The following MAN2A1 variants were observed in gnomAD, a reference collection of about 807,000 sequenced individuals.
MAN2A1 encodes the protein mannosidase alpha class 2A member 1.
Under a neutral mutation model 142.6 loss-of-function variants are expected in MAN2A1, and 76 were observed. The observed-to-expected ratio is 0.53, with a 90% CI of 0.44 to 0.65. The LOEUF is 0.65. MAN2A1 is among the 30% of genes least tolerant of loss of function. The probability of loss-of-function intolerance (pLI) is 0.00; values close to 1 mark genes in which losing one functional copy is unlikely to be tolerated. For synonymous variants in MAN2A1, 559 were observed against 473.2 expected (o/e 1.18, Z -2.35); for missense variants, 1,311 against 1,365.1 (o/e 0.96, Z 0.62).
intron 1 of MAN2A1, among the ~76,000 whole-genome samples, chr5:109,704,830 C>T (rs1751085665): frequency 6.6e-6 from 1 of 152,158 alleles, no homozygotes; most frequent in Admixed American, 6.5e-5. Context: ...GTGAGAATCG[C>T]CTGGTGAGCC....
Position 109,833,963 on chromosome 5 carries a change from C to G in MAN2A1, c.2567-8365C>G, listed in dbSNP as rs926343122. On this transcript the variant is annotated intron_variant, in intron 16 of 21. Coordinates refer to ENST00000261483, the MANE Select transcript of MAN2A1 (RefSeq NM_002372.4). ...TCCAGTCAGACACCAATATGTTGAACTGTTTTTGTTCAGTACCCACTAAAG... is the reference window on the plus strand; with the variant it reads ...TCCAGTCAGACACCAATATGTTGAAGTGTTTTTGTTCAGTACCCACTAAAG... Among the ~76,000 whole-genome samples the G allele has an allele frequency of 4.6e-5, 7 of 152,236 alleles. No homozygotes were observed. In the South Asian group the frequency reaches 1.4e-3, roughly 32 times the overall value.
intron 14 of MAN2A1, 27 bp downstream of exon 14, chr5:109,819,914 A>G (rs773973703): frequency 2.9e-5 from 41 of 1,432,390 alleles, no homozygotes; most frequent in South Asian, 9.4e-5. Flanking sequence ...TCTAAAATTC[A>G]TAGAATGCTT....
chr5:109,714,631 T>C (rs561492049), intron 2 of MAN2A1, among the ~76,000 whole-genome samples: 85 of 152,346 alleles, frequency 5.6e-4, no homozygotes, highest in African/African-American at 2.0e-3. Context: ...CCTTGTGCCT[T>C]AGACCAGAAA....
chr5:109,848,157 T>C (rs569484525), intron 19 of MAN2A1, among the ~76,000 whole-genome samples: 2 of 152,322 alleles, frequency 1.3e-5, no homozygotes, highest in East Asian at 3.9e-4. Flanking sequence ...TAAACTTTAT[T>C]TGAAATCTTA....
rs185905270 is a variant in MAN2A1 at position 109,853,227 on chromosome 5, C to T, written c.2977-1913C>T. ...CTGTTTTCTCTATAAGATTGGATGTCTGGGGTGGCACTTCCCGGCACAGGG... is the reference window on the plus strand; with the variant it reads ...CTGTTTTCTCTATAAGATTGGATGTTTGGGGTGGCACTTCCCGGCACAGGG... On this transcript the variant is annotated intron_variant, in intron 19 of 21. Coordinates refer to ENST00000261483, the MANE Select transcript of MAN2A1 (RefSeq NM_002372.4). 6.0e-4 allele frequency among the ~76,000 whole-genome samples: 92 copies of T among 152,220 alleles called. 2 individuals are homozygous for T. The East Asian group carries it at 0.016, about 26-fold the overall frequency.
chr5:109,741,108 C>T (rs1008684524), intron 4 of MAN2A1, among the ~76,000 whole-genome samples: 1 of 152,194 alleles, frequency 6.6e-6, no homozygotes, highest in Middle Eastern at 3.4e-3. Flanking sequence ...ACTCAGATTC[C>T]TTCTGAGTGA....
At chr5:109,781,266 A>G (rs1301813776) in intron 8 of MAN2A1, 130 bp from the exon 9 acceptor site, 1 of 544,612 alleles carries the variant, frequency 1.8e-6, no homozygotes, top group Non-Finnish European at 3.1e-6. Context: ...TTTTTATAAA[A>G]TCTGAGCTAT....
intron 5 of MAN2A1, among the ~76,000 whole-genome samples, chr5:109,759,690 G>C (rs914768926): frequency 1.4e-4 from 22 of 152,164 alleles, no homozygotes; most frequent in Admixed American, 3.9e-4. Flanking sequence ...GTTTTCCAAA[G>C]TGGTGGTGCT....
At chr5:109,780,047 T>C (rs1235423909) in intron 8 of MAN2A1, among the ~76,000 whole-genome samples, 1 of 152,016 alleles carries the variant, frequency 6.6e-6, no homozygotes, top group African/African-American at 2.4e-5. Context: ...TGGCCAGTCA[T>C]GGTTGTAAGT....
chr5:109,731,932 G>T (rs541188312), intron 4 of MAN2A1, among the ~76,000 whole-genome samples: 1 of 150,730 alleles, frequency 6.6e-6, no homozygotes, highest in Non-Finnish European at 1.5e-5. Flanking sequence ...CTGAGGAATC[G>T]CCACACTGAC....
In MAN2A1 at chr5:109,789,049, G is replaced by T; in HGVS notation, c.1875+1G>T. 6.9e-7 allele frequency: 1 copy of T among 1,451,596 alleles called. No individual in the cohort carries two copies. The highest frequency in any genetic ancestry group is 9.6e-7 in the Non-Finnish European group (1 of 1,042,806). The allele number at this position is 1,451,596 out of a possible 1,614,324, so 89.9% of individuals were successfully genotyped here. A position where few individuals can be genotyped will look rare whatever the true frequency, so the allele number is the denominator to read the frequency against. On this transcript the variant is annotated splice_donor_variant, in intron 11 of 21. Transcript: ENST00000261483. LOFTEE classifies it high-confidence loss of function. Reference sequence around the variant, plus strand: ...CTCTCCTGATACCTTCCTGGAGATGGTTAGTAATTTCATCTATGGTCATCA... The same window carrying T: ...CTCTCCTGATACCTTCCTGGAGATGTTTAGTAATTTCATCTATGGTCATCA...
intron 12 of MAN2A1, 95 bp downstream of exon 12, chr5:109,789,622 C>T (rs1753686958): frequency 1.3e-6 from 1 of 782,164 alleles, no homozygotes; most frequent in Non-Finnish European, 2.0e-6. Context: ...TATTTTGAGG[C>T]AATCAATTTA....
chr5:109,743,940 C>T (rs1035695053), intron 4 of MAN2A1, among the ~76,000 whole-genome samples: 4 of 152,194 alleles, frequency 2.6e-5, no homozygotes, highest in African/African-American at 4.8e-5. Flanking sequence ...TCCTGCTTCA[C>T]ACTCTACTCA....
Position 109,868,923 on chromosome 5 carries a change from T to C in MAN2A1, c.*1925T>C, listed in dbSNP as rs1755948960. 1 of 152,122 alleles carries C rather than the reference T, an allele frequency of 6.6e-6. No individual in the cohort carries two copies. The highest frequency in any genetic ancestry group is 2.1e-4 in the South Asian group (1 of 4,830). The allele number at this position is 152,122 out of a possible 1,614,324, so 9.4% of individuals were successfully genotyped here. A position where few individuals can be genotyped will look rare whatever the true frequency, so the allele number is the denominator to read the frequency against. ...GGGTGTGCTTAATCATTCTCGAAAT[T>C]GTGATCAGATGAAATAAAAAAAAAA... is the stretch of plus-strand genomic sequence containing the variant. On this transcript the variant is annotated 3_prime_UTR_variant, in exon 22 of 22. Transcript: ENST00000261483.
At chr5:109,816,479 C>A (rs1754465109) in intron 12 of MAN2A1, among the ~76,000 whole-genome samples, 1 of 152,016 alleles carries the variant, frequency 6.6e-6, no homozygotes, top group Non-Finnish European at 1.5e-5. Context: ...ATTTGGGGCC[C>A]TGTTACAAGT....
rs778253447 is a variant in MAN2A1, at chr5:109,713,530, C to T, written c.146C>T (p.Ser49Leu). The T allele has an allele frequency of 1.2e-6, 2 of 1,606,808 alleles. No individual in the cohort carries two copies. The change falls in exon 2 of 22, where the codon TCA (serine) becomes TTA (leucine). Residue 49 changes from serine to leucine, a missense_variant. Coordinates refer to ENST00000261483, the MANE Select transcript of MAN2A1 (RefSeq NM_002372.4). ...TCTTTTTTATTGTAGGGCCAGCTCT[C>T]AATGTTGCAAGAAAAAATAGACCAT... ...REGSFPQGQL[S>L]MLQEKIDHLE...
Position 109,868,234 on chromosome 5 carries a change from T to TC in MAN2A1, c.*1237dup, listed in dbSNP as rs1323884940. 2 of 152,212 alleles carry TC rather than the reference T, an allele frequency of 1.3e-5. No individual in the cohort carries two copies. The highest frequency in any genetic ancestry group is 1.3e-4 in the Admixed American group (2 of 15,286). 9.4% of individuals were successfully genotyped at this position (152,212 alleles called of 1,614,324 possible). The stretch of plus-strand genomic sequence containing the variant: ...GTTTTGAAACCCACTTTTATGTAGC[T>TC]CATCATGGTTTATCTTACTAAGGAA... On this transcript the variant is annotated 3_prime_UTR_variant, in exon 22 of 22. Transcript: ENST00000261483.
chr5:109,794,143 T>A (rs1353044816), intron 12 of MAN2A1: 3 of 152,150 alleles, frequency 2.0e-5, no homozygotes, highest in African/African-American at 7.2e-5. Context: ...TTCTGACCAC[T>A]CAGATTGTGG....
In MAN2A1 at chr5:109,817,438, G is replaced by C. The variant is rs1193998858; in HGVS notation, c.2109G>C (p.Glu703Asp). The change falls in exon 13 of 22, where the codon GAG becomes GAC. Residue 703 changes from glutamate (E) to aspartate (D), a missense_variant and splice_region_variant. By Grantham distance (45) the Glu-to-Asp change is conservative (BLOSUM62 2). Around this residue, in one of 3 missense-constraint regions of MAN2A1, gnomAD observed 890 missense variants for 920.5 expected, o/e 0.97. Transcript: ENST00000261483. ...ATACTATTTCAGAAACAGCCTATGAGGTATGTTGTAGCCATAGAACTTAAG... is the reference window on the plus strand; with the variant it reads ...ATACTATTTCAGAAACAGCCTATGACGTATGTTGTAGCCATAGAACTTAAG... ...TANTISETAYEISFRAHIPPL... is the reference protein window; with the variant it reads ...TANTISETAYDISFRAHIPPL... The C allele has an allele frequency of 6.2e-7, 1 of 1,613,564 alleles. No individual in the cohort carries two copies. Among genetic ancestry groups the C allele is most frequent in the Non-Finnish European group, 8.5e-7 (1 of 1,179,802 alleles).
Sources: allele counts gnomAD v4.1 joint callset (sites outside exome capture counted in the v4.1 genomes callset), GRCh38; gene constraint gnomAD v4.1.1; regional missense constraint gnomAD v4.1.1; transcripts MANE v1.5; gene names NCBI Gene and HGNC (gene_info 2026-07-23, HGNC 2026-07-21).